Variants in RYR2 observed in about 807,000 individuals in gnomAD.
RYR2 encodes the protein cardiac muscle ryanodine receptor-calcium release channel.
RYR2 carries 227 observed loss-of-function variants against 601.1 expected under a neutral mutation model. The observed-to-expected ratio is 0.38, with a 90% CI of 0.34 to 0.42. RYR2 has a LOEUF of 0.42. RYR2 is among the 10% of genes least tolerant of loss of function. The probability of loss-of-function intolerance (pLI) is 1.00; values close to 1 mark genes in which losing one functional copy is unlikely to be tolerated. For synonymous variants in RYR2, 2,223 were observed against 2,175.1 expected (o/e 1.02, Z -0.61); for missense variants, 4,646 against 6,156.5 (o/e 0.75, Z 8.21).
At chr1:237,537,332 G>C (rs959285876) in intron 25 of RYR2, among the ~76,000 whole-genome samples, 2 of 151,814 alleles carry the variant, frequency 1.3e-5, no homozygotes, top group African/African-American at 4.8e-5. Flanking sequence ...TGTTTGTTTT[G>C]TTTTGTTTTT....
At chr1:237,370,182 T>A (rs1700526876) in intron 6 of RYR2, among the ~76,000 whole-genome samples, 1 of 151,858 alleles carries the variant, frequency 6.6e-6, no homozygotes, top group African/African-American at 2.4e-5. Context: ...ATTTTATAAA[T>A]ACTTTAATGT....
At chr1:237,728,684 A>G (rs1166928577) in intron 76 of RYR2, among the ~76,000 whole-genome samples, 1 of 151,902 alleles carries the variant, frequency 6.6e-6, no homozygotes, top group East Asian at 1.9e-4. Flanking sequence ...TAACACAGGA[A>G]CAGAAAATAA....
intron 29 of RYR2, among the ~76,000 whole-genome samples, chr1:237,579,964 A>G (rs1673709718): frequency 6.6e-6 from 1 of 152,066 alleles, no homozygotes; most frequent in South Asian, 2.1e-4. Context: ...AACGCAGATG[A>G]TATCTGATTT....
At chr1:237,618,073 A>T (rs1678673078) in intron 38 of RYR2, among the ~76,000 whole-genome samples, 1 of 152,152 alleles carries the variant, frequency 6.6e-6, no homozygotes, top group South Asian at 2.1e-4. Context: ...TGGCGTAGGG[A>T]TGGTGTTAAA....
At chr1:237,605,050 G>C (rs1676953649) in intron 35 of RYR2, among the ~76,000 whole-genome samples, 1 of 152,030 alleles carries the variant, frequency 6.6e-6, no homozygotes, top group Admixed American at 6.6e-5. Flanking sequence ...GAAAAAGAGG[G>C]AATCCTCCCT....
chr1:237,321,892 T>C (rs1011002504), intron 2 of RYR2, among the ~76,000 whole-genome samples: 2 of 152,142 alleles, frequency 1.3e-5, no homozygotes. Context: ...TCTACAGAAA[T>C]AAGGACCTTG....
rs1681783995 is a variant in RYR2, at chr1:237,643,435, A to G, written c.7330A>G (p.Thr2444Ala). ...TATCAGCATCGCTTTTCAGATGCCAACAATAGCCAAAGGTAAGGCCAACTT... is the reference window on the plus strand; with the variant it reads ...TATCAGCATCGCTTTTCAGATGCCAGCAATAGCCAAAGGTAAGGCCAACTT... ...GVISIAFQMP[T>A]IAKDGNVVEP... Residue 2444 changes from threonine to alanine, a missense_variant, in exon 48 of 105, where the codon ACA becomes GCA. By Grantham distance (58) the Thr-to-Ala change is moderately conservative. Around this residue, in one of 17 missense-constraint regions of RYR2, gnomAD observed 1,497 missense variants for 1,842.6 expected, o/e 0.81. Coordinates refer to ENST00000366574, the MANE Select transcript of RYR2 (RefSeq NM_001035.3). The G allele has an allele frequency of 6.2e-7, 1 of 1,613,920 alleles. No individual in the cohort carries two copies. Among genetic ancestry groups the G allele is most frequent in the Admixed American group, 1.7e-5 (1 of 60,022 alleles).
chr1:237,674,963 A>G, intron 60 of RYR2, 117 bp downstream of exon 60: 1 of 516,648 alleles, frequency 1.9e-6, no homozygotes, highest in Non-Finnish European at 3.5e-6. Flanking sequence ...AAACCCATCT[A>G]TTCATCCTAC....
intron 1 of RYR2, among the ~76,000 whole-genome samples, chr1:237,059,136 G>A (rs948144718): frequency 5.3e-5 from 8 of 152,044 alleles, no homozygotes; most frequent in Admixed American, 2.0e-4. Context: ...AGTAGGGAGG[G>A]AACAGAGATC....
chr1:237,614,275 C>T lies in RYR2; in HGVS notation c.5147C>T (p.Thr1716Ile). 1.2e-6 allele frequency: 2 copies of T among 1,614,050 alleles called. No individual in the cohort carries two copies. The highest frequency in any genetic ancestry group is 8.5e-7 in the Non-Finnish European group (1 of 1,179,908). Reference sequence around the variant, plus strand: ...GACATCCACCTGAGCTCCTATGCCACTGCCAGGCTCATGATGAACAACGAG... The same window carrying T: ...GACATCCACCTGAGCTCCTATGCCATTGCCAGGCTCATGATGAACAACGAG... ...LIDIHLSSYA[T>I]ARLMMNNEYI... The change falls in exon 37 of 105, where the codon ACT (threonine) becomes ATT (isoleucine). Residue 1716 changes from threonine (T) to isoleucine (I), a missense_variant. Around this residue, in one of 17 missense-constraint regions of RYR2, gnomAD observed 1,807 missense variants for 2,088.1 expected, o/e 0.87. Coordinates refer to ENST00000366574, the MANE Select transcript of RYR2 (RefSeq NM_001035.3). The surrounding 1 kb of genome is among the most constrained non-coding windows in gnomAD (Gnocchi z 4.3).
chr1:237,113,478 G>C (rs4659770), intron 1 of RYR2, among the ~76,000 whole-genome samples: 59,876 of 151,880 alleles, frequency 0.39, 13,297 homozygotes, highest in Admixed American at 0.52. Context: ...GAGATTACAG[G>C]CATGAGCCAT....
intron 11 of RYR2, among the ~76,000 whole-genome samples, chr1:237,418,106 G>A (rs988061070): frequency 6.6e-5 from 10 of 152,012 alleles, no homozygotes; most frequent in East Asian, 1.9e-4. Context: ...GCAGTGGCGC[G>A]ATCTCGGTTC....
rs545059472 is a variant in RYR2 at position 237,497,954 on chromosome 1, C to T, written c.2203+1202C>T. ...TTGGCTCATTGCAGCCTCTGCCTCC[C>T]GGGTTCAAGCGATTCTCATGCCTCA... is the stretch of plus-strand genomic sequence containing the variant. On this transcript the variant is annotated intron_variant, in intron 20 of 104. Coordinates refer to ENST00000366574, the MANE Select transcript of RYR2 (RefSeq NM_001035.3). Among the ~76,000 whole-genome samples the T allele has an allele frequency of 9.2e-5, 14 of 151,958 alleles. No homozygotes were observed. The South Asian group carries it at 1.7e-3, about 18-fold the overall frequency.
chr1:237,802,039 C>A (rs1660038300), intron 98 of RYR2, 123 bp downstream of exon 98: 2 of 575,800 alleles, frequency 3.5e-6, no homozygotes, highest in African/African-American at 3.7e-5. Flanking sequence ...TCATACAGAC[C>A]AGATCTGGAG....
chr1:237,223,050 C>CA (rs1158822630), intron 1 of RYR2, among the ~76,000 whole-genome samples: 2 of 152,176 alleles, frequency 1.3e-5, no homozygotes, highest in African/African-American at 4.8e-5. Context: ...GCCTGGGCAA[C>CA]AAGAGTGAAA....
chr1:237,388,004 T>C, intron 9 of RYR2, 83 bp from the exon 10 acceptor site: 1 of 1,254,952 alleles, frequency 8.0e-7, no homozygotes, highest in South Asian at 1.3e-5. Flanking sequence ...TTTACGAAAG[T>C]AGAAGATTGG....
At chr1:237,680,377 A>C in intron 61 of RYR2, 79 bp from the exon 62 acceptor site, 1 of 1,229,120 alleles carries the variant, frequency 8.1e-7, no homozygotes, top group Non-Finnish European at 1.2e-6. Context: ...CAGAACTCTG[A>C]CTGCTCCAAA....
chr1:237,327,196 T>C (rs968945677), intron 2 of RYR2, among the ~76,000 whole-genome samples: 6 of 152,058 alleles, frequency 3.9e-5, no homozygotes, highest in African/African-American at 1.4e-4. Context: ...TACATTTGTG[T>C]GTGTAGGGGG....
At chr1:237,330,664 A>G (rs1485532675) in intron 2 of RYR2, among the ~76,000 whole-genome samples, 1 of 152,236 alleles carries the variant, frequency 6.6e-6, no homozygotes, top group Admixed American at 6.5e-5. Context: ...CTGGGATTAC[A>G]GGCGTGAGCC....
Sources: gnomAD v4.1 joint callset for allele counts (sites outside exome capture counted in the v4.1 genomes callset) on GRCh38, gnomAD v4.1.1 for gene constraint, gnomAD v4.1.1 regional missense constraint, Gnocchi (gnomAD v3.1) non-coding constraint, MANE v1.5 for transcripts, NCBI Gene and HGNC (gene_info 2026-07-23, HGNC 2026-07-21) for gene names.